ZNRF2: variants seen among roughly 807,000 people sequenced by gnomAD.
ZNRF2 encodes E3 ubiquitin-protein ligase ZNRF2.
ZNRF2 carries 16 observed loss-of-function variants against 20.4 expected under a neutral mutation model. The observed-to-expected ratio is 0.79, with a 90% CI of 0.53 to 1.19. ZNRF2 has a LOEUF of 1.19. Among genes scored for constraint, ZNRF2 ranks in the 50% most tolerant of loss-of-function variants. ZNRF2 has a pLI of 0.00. For missense variants in ZNRF2, 363 were observed against 332.4 expected (o/e 1.09, Z -0.72); for synonymous variants, 178 against 144.9 (o/e 1.23, Z -1.64).
chr7:30,318,882 C>T (rs994094754), intron 1 of ZNRF2, among the ~76,000 whole-genome samples: 5 of 152,096 alleles, frequency 3.3e-5, no homozygotes, highest in East Asian at 1.9e-4. Flanking sequence ...GAGGCTGAGG[C>T]GGACGGATCA....
chr7:30,316,200 A>C (rs1350426829), intron 1 of ZNRF2, among the ~76,000 whole-genome samples: 1 of 148,122 alleles, frequency 6.8e-6, no homozygotes, highest in Non-Finnish European at 1.5e-5. Context: ...AGGCAGGAGA[A>C]CTGCTTGAAC....
At chr7:30,307,540 A>C (rs532162615) in intron 1 of ZNRF2, among the ~76,000 whole-genome samples, 1 of 151,768 alleles carries the variant, frequency 6.6e-6, no homozygotes, top group South Asian at 2.1e-4. Flanking sequence ...ACTGAGTCCA[A>C]GTCCATTGAA....
At chr7:30,355,617 A>G (rs1312804529) in intron 2 of ZNRF2, 111 bp from the exon 3 acceptor site, 1 of 742,130 alleles carries the variant, frequency 1.3e-6, no homozygotes, top group South Asian at 1.9e-5. Flanking sequence ...TGGCGAAAAG[A>G]TATGCCAAGT....
At chr7:30,303,303 C>T (rs1799148572) in intron 1 of ZNRF2, among the ~76,000 whole-genome samples, 1 of 151,536 alleles carries the variant, frequency 6.6e-6, no homozygotes, top group South Asian at 2.1e-4. Context: ...AACTAGTTAA[C>T]TCATTTTAAT....
At chr7:30,306,957 TG>T (rs1264148457) in intron 1 of ZNRF2, among the ~76,000 whole-genome samples, 3 of 152,172 alleles carry the variant, frequency 2.0e-5, no homozygotes, top group African/African-American at 7.2e-5. Context: ...TTTAATATTA[TG>T]TTGACACTTT....
chr7:30,288,027 T>G (rs1382185518), intron 1 of ZNRF2, among the ~76,000 whole-genome samples: 1 of 152,206 alleles, frequency 6.6e-6, no homozygotes, highest in Non-Finnish European at 1.5e-5. Context: ...TACATTTACG[T>G]AAAAACCCAT....
intron 2 of ZNRF2, among the ~76,000 whole-genome samples, chr7:30,351,443 G>GTTAA (rs1210141365): frequency 3.3e-5 from 5 of 152,008 alleles, no homozygotes; most frequent in African/African-American, 1.2e-4. Flanking sequence ...TGTGTAAGCA[G>GTTAA]TTAATTGTAA....
intron 2 of ZNRF2, among the ~76,000 whole-genome samples, chr7:30,350,640 T>G (rs2127955000): frequency 6.6e-6 from 1 of 152,202 alleles, no homozygotes; most frequent in South Asian, 2.1e-4. Flanking sequence ...TTTATACGTA[T>G]AAGAGATAAC....
Position 30,339,327 on chromosome 7 carries a change from C to T in ZNRF2, c.565+15590C>T, listed in dbSNP as rs1799761238. On this transcript the variant is annotated intron_variant, in intron 2 of 4. Coordinates refer to ENST00000323037, the MANE Select transcript of ZNRF2 (RefSeq NM_147128.4). ...TTGCCGTTGCTTTTGGTGTTTTAGTCATGAAGTTTTTGCCCATGCCGATGT... is the reference window on the plus strand; with the variant it reads ...TTGCCGTTGCTTTTGGTGTTTTAGTTATGAAGTTTTTGCCCATGCCGATGT... Among the ~76,000 whole-genome samples the T allele has an allele frequency of 7.2e-5, 11 of 152,162 alleles. 1 individual carries two copies. Among genetic ancestry groups the T allele is most frequent in the Admixed American group, 7.2e-4 (11 of 15,272 alleles).
At chr7:30,320,416 T>A (rs1799451072) in intron 1 of ZNRF2, among the ~76,000 whole-genome samples, 1 of 152,166 alleles carries the variant, frequency 6.6e-6, no homozygotes. Flanking sequence ...ATACTAGTAG[T>A]ACCCACATGC....
At chr7:30,325,219 A>G (rs1583582359) in intron 2 of ZNRF2, among the ~76,000 whole-genome samples, 1 of 152,230 alleles carries the variant, frequency 6.6e-6, no homozygotes, top group Non-Finnish European at 1.5e-5. Flanking sequence ...TTATAAAGAA[A>G]CAGACTTCAA....
chr7:30,339,408 G>A (rs951200439), intron 2 of ZNRF2, among the ~76,000 whole-genome samples: 2 of 152,074 alleles, frequency 1.3e-5, no homozygotes, highest in East Asian at 1.9e-4. Flanking sequence ...TAGGTCTTAC[G>A]TTTAAGTCTT....
chr7:30,285,674 GC>G lies in ZNRF2; in HGVS notation c.318del (p.Ser106ArgfsTer37). On this transcript the variant is annotated frameshift_variant, in exon 1 of 5. Coordinates refer to ENST00000323037, the MANE Select transcript of ZNRF2 (RefSeq NM_147128.4). LOFTEE classifies it high-confidence loss of function. ...AAQSPFSIPN[S>X]SSGPYGSQDS... Reference sequence around the variant, plus strand: ...CAGTCCCCCTTCAGCATCCCGAACAGCAGCAGCGGCCCGTACGGCTCGCAGG... The same window carrying G: ...CAGTCCCCCTTCAGCATCCCGAACAGAGCAGCGGCCCGTACGGCTCGCAGG... 1 of 1,440,464 alleles carries G rather than the reference GC, an allele frequency of 6.9e-7. No homozygotes were observed. The highest frequency in any genetic ancestry group is 9.1e-7 in the Non-Finnish European group (1 of 1,102,794). The allele number at this position is 1,440,464 out of a possible 1,614,324, so 89.2% of individuals were successfully genotyped here. A position where few individuals can be genotyped will look rare whatever the true frequency, so the allele number is the denominator to read the frequency against.
intron 1 of ZNRF2, among the ~76,000 whole-genome samples, chr7:30,302,986 TAAA>T (rs1199340892): frequency 6.6e-6 from 1 of 152,130 alleles, no homozygotes; most frequent in Non-Finnish European, 1.5e-5. Context: ...AGTTCTGTAA[TAAA>T]GAAGTCTAAG....
At chr7:30,364,972 G>C (rs1800186971) in intron 4 of ZNRF2, among the ~76,000 whole-genome samples, 1 of 151,954 alleles carries the variant, frequency 6.6e-6, no homozygotes, top group African/African-American at 2.4e-5. Context: ...CACGTGGTGG[G>C]ATAACAGACT....
At chr7:30,334,669 C>G (rs899418965) in intron 2 of ZNRF2, among the ~76,000 whole-genome samples, 1 of 152,244 alleles carries the variant, frequency 6.6e-6, no homozygotes, top group African/African-American at 2.4e-5. Flanking sequence ...AGTTAGAAGT[C>G]TATAAGTCTT....
At chr7:30,292,016 C>A (rs976422092) in intron 1 of ZNRF2, among the ~76,000 whole-genome samples, 3 of 152,022 alleles carry the variant, frequency 2.0e-5, no homozygotes, top group African/African-American at 7.2e-5. Flanking sequence ...GTATAAAAAT[C>A]GCAAATTGCT....
chr7:30,285,352 G>A lies in ZNRF2; in HGVS notation c.-6G>A. 1 of 1,163,894 alleles carries A rather than the reference G, an allele frequency of 8.6e-7. No individual in the cohort carries two copies. Among genetic ancestry groups the A allele is most frequent in the Non-Finnish European group, 1.1e-6 (1 of 938,556 alleles). 72.1% of individuals were successfully genotyped at this position (1,163,894 alleles called of 1,614,324 possible). A position where few individuals can be genotyped will look rare whatever the true frequency, so the allele number is the denominator to read the frequency against. On this transcript the variant is annotated 5_prime_UTR_variant, in exon 1 of 5. Transcript: ENST00000323037. The stretch of plus-strand genomic sequence containing the variant: ...GCGCGCGGGCCCGGCCCGGGGCAGG[G>A]CGGACATGGGCGCCAAACAGAGCGG...
At chr7:30,294,616 C>T (rs1283830641) in intron 1 of ZNRF2, among the ~76,000 whole-genome samples, 1 of 152,028 alleles carries the variant, frequency 6.6e-6, no homozygotes, top group Non-Finnish European at 1.5e-5. Context: ...AACCCCATCT[C>T]TACTAAAAAT....
Sources: allele counts gnomAD v4.1 joint callset (sites outside exome capture counted in the v4.1 genomes callset), GRCh38; gene constraint gnomAD v4.1.1; transcripts MANE v1.5; gene names NCBI Gene and HGNC (gene_info 2026-07-23, HGNC 2026-07-21).